HECTD2: variants seen among roughly 807,000 people sequenced by gnomAD.
HECTD2 encodes the protein HECT domain E3 ubiquitin protein ligase 2.
In HECTD2, 35 loss-of-function variants were observed where a neutral mutation model predicts 103.2. The observed-to-expected ratio is 0.34, with a 90% CI of 0.26 to 0.45. The LOEUF is 0.45. HECTD2 is among the 20% of genes least tolerant of loss of function. The pLI is 1.00. For missense variants in HECTD2, 596 were observed against 937.4 expected, an observed-to-expected ratio of 0.64 and a Z score of 4.76; for synonymous variants, 281 against 329.9, an observed-to-expected ratio of 0.85 and a Z score of 1.61.
At chr10:91,507,356 G>A (rs1406548382) in intron 20 of HECTD2, among the ~76,000 whole-genome samples, 1 of 151,566 alleles carries the variant, frequency 6.6e-6, no homozygotes, top group Non-Finnish European at 1.5e-5. Flanking sequence ...CAGATGACAT[G>A]ATTGTATATC....
intron 20 of HECTD2, among the ~76,000 whole-genome samples, chr10:91,503,819 G>A (rs1397647936): frequency 1.4e-4 from 21 of 152,314 alleles, no homozygotes; most frequent in African/African-American, 4.3e-4. Flanking sequence ...CCACCTCTGG[G>A]GGCAGGGCAC....
chr10:91,511,029 A>C (rs917632716), intron 20 of HECTD2, among the ~76,000 whole-genome samples: 1 of 152,246 alleles, frequency 6.6e-6, no homozygotes, highest in Admixed American at 6.5e-5. Context: ...CACTCAGCAC[A>C]GTGATTATCA....
At chr10:91,479,355 T>TA (rs1846013106) in intron 6 of HECTD2, among the ~76,000 whole-genome samples, 2 of 152,178 alleles carry the variant, frequency 1.3e-5, no homozygotes, top group Non-Finnish European at 2.9e-5. Flanking sequence ...TCAGAATCAA[T>TA]AGAGTGAGAC....
chr10:91,503,570 G>A (rs1275146253), intron 20 of HECTD2, among the ~76,000 whole-genome samples: 8 of 152,228 alleles, frequency 5.3e-5, no homozygotes, highest in East Asian at 1.9e-4. Flanking sequence ...CTTTTCCGAC[G>A]GGCTTAAAAA....
chr10:91,482,975 G>T lies in HECTD2; in HGVS notation c.720G>T (p.Gln240His). ...RAYFILLQNP[Q>H]FNNTSTYVIY... ...TTTAATATCTTTTTCAGAATCCTCA[G>T]TTTAATAACACATCTACGTATGTCA... The change falls in exon 8 of 21, where the codon CAG (glutamine) becomes CAT (histidine). Residue 240 changes from glutamine (Q) to histidine (H), a missense_variant. By Grantham distance (24) the Gln-to-His change is conservative. This residue lies in a region of HECTD2 where 303 missense variants were observed against 522.5 expected (regional missense o/e 0.58). Transcript: ENST00000298068. 1 of 1,483,006 alleles carries T rather than the reference G, an allele frequency of 6.7e-7. No individual in the cohort carries two copies. Among genetic ancestry groups the T allele is most frequent in the South Asian group, 1.2e-5 (1 of 83,444 alleles). The allele number at this position is 1,483,006 out of a possible 1,614,324, so 91.9% of individuals were successfully genotyped here. A position where few individuals can be genotyped will look rare whatever the true frequency, so the allele number is the denominator to read the frequency against.
intron 12 of HECTD2, among the ~76,000 whole-genome samples, chr10:91,492,088 T>C (rs1846503539): frequency 6.6e-6 from 1 of 152,146 alleles, no homozygotes. Context: ...TTGTGCTAAA[T>C]TAAAAATTTG....
upstream of HECTD2, chr10:91,410,259 G>C (rs541810879): frequency 1.3e-5 from 2 of 158,146 alleles, no homozygotes; most frequent in Non-Finnish European, 2.7e-5. Flanking sequence ...GGCGCGCGCG[G>C]GGGCGGCCTC....
At chr10:91,449,329 C>T (rs1309107018) in intron 2 of HECTD2, among the ~76,000 whole-genome samples, 3 of 152,002 alleles carry the variant, frequency 2.0e-5, no homozygotes, top group African/African-American at 4.8e-5. Flanking sequence ...TAAAAGGCCT[C>T]GATAAAATTC....
intron 11 of HECTD2, chr10:91,488,558 G>A: frequency 6.6e-6 from 1 of 152,112 alleles, no homozygotes; most frequent in East Asian, 1.9e-4. Flanking sequence ...AAGCTTGGCT[G>A]TGGTCTTCTT....
chr10:91,421,637 A>G (rs1843363056), intron 1 of HECTD2, among the ~76,000 whole-genome samples: 1 of 152,190 alleles, frequency 6.6e-6, no homozygotes, highest in African/African-American at 2.4e-5. Context: ...TTTTCTGTTG[A>G]TATATTACAA....
At chr10:91,490,694 A>G (rs192172685) in intron 11 of HECTD2, among the ~76,000 whole-genome samples, 125 of 151,756 alleles carry the variant, frequency 8.2e-4, no homozygotes, top group African/African-American at 3.0e-3. Context: ...GATCGAGACC[A>G]TCCTGGCTAA....
At chr10:91,491,356 TATG>T (rs779936786) in intron 12 of HECTD2, 49 bp downstream of exon 12, 10 of 835,756 alleles carry the variant, frequency 1.2e-5, no homozygotes, top group African/African-American at 3.7e-5. Flanking sequence ...AATTCTATAA[TATG>T]ATTATTATAA....
chr10:91,422,870 CA>C (rs958394625), intron 1 of HECTD2, among the ~76,000 whole-genome samples: 6 of 151,860 alleles, frequency 4.0e-5, no homozygotes, highest in African/African-American at 1.2e-4. Flanking sequence ...TTGGAGATCC[CA>C]CAAGTGAACT....
intron 2 of HECTD2, among the ~76,000 whole-genome samples, chr10:91,456,212 G>C (rs1335184809): frequency 2.6e-5 from 4 of 152,200 alleles, no homozygotes; most frequent in Non-Finnish European, 5.9e-5. Context: ...CATGAGCATG[G>C]AATGTTCTTC....
At chr10:91,471,337 G>A (rs1434867829) in intron 5 of HECTD2, among the ~76,000 whole-genome samples, 12 of 152,146 alleles carry the variant, frequency 7.9e-5, no homozygotes, top group African/African-American at 1.4e-4. Flanking sequence ...AATAGGAATC[G>A]TCTGTGACAA....
chr10:91,456,131 G>C (rs1179033518), intron 2 of HECTD2, among the ~76,000 whole-genome samples: 1 of 152,114 alleles, frequency 6.6e-6, no homozygotes, highest in African/African-American at 2.4e-5. Flanking sequence ...TAGCCTGATG[G>C]GGGGGTGGCA....
chr10:91,509,252 T>A (rs1460218382), intron 20 of HECTD2, among the ~76,000 whole-genome samples: 1 of 151,644 alleles, frequency 6.6e-6, no homozygotes, highest in Non-Finnish European at 1.5e-5. Flanking sequence ...TGTGCACATG[T>A]ACCCTAAAAC....
chr10:91,439,028 C>T (rs1464166423), intron 2 of HECTD2, among the ~76,000 whole-genome samples: 2 of 152,088 alleles, frequency 1.3e-5, no homozygotes, highest in Admixed American at 6.6e-5. Context: ...CTGTAGGTTG[C>T]CTCTTCACTC....
chr10:91,496,991 A>T (rs1326585878), intron 15 of HECTD2, among the ~76,000 whole-genome samples: 2 of 150,340 alleles, frequency 1.3e-5, no homozygotes, highest in Non-Finnish European at 1.5e-5. Flanking sequence ...ACAGAATCTC[A>T]CTCTGTCACC....
Sources: gnomAD v4.1 joint callset for allele counts (sites outside exome capture counted in the v4.1 genomes callset) on GRCh38, gnomAD v4.1.1 for gene constraint, gnomAD v4.1.1 regional missense constraint, MANE v1.5 for transcripts, NCBI Gene and HGNC (gene_info 2026-07-23, HGNC 2026-07-21) for gene names.